The following INSC variants were observed in gnomAD, a reference collection of about 807,000 sequenced individuals.
INSC encodes INSC spindle orientation adaptor protein, also known as protein inscuteable homolog.
A neutral mutation model predicts 58.6 loss-of-function variants in INSC; 67 were observed. That is an observed-to-expected ratio of 1.14 (90% confidence interval 0.94 to 1.40). The LOEUF (loss-of-function observed/expected upper bound fraction) is 1.40. Among genes scored for constraint, INSC ranks in the 40% most tolerant of loss-of-function variants. The pLI is 0.00. For synonymous variants in INSC, 262 were observed against 276.1 expected (o/e 0.95, Z 0.51); for missense variants, 714 against 692.0 (o/e 1.03, Z -0.36).
At chr11:15,258,277 C>G in the INSC span, among the ~76,000 whole-genome samples, 1 of 152,172 alleles carries the variant, frequency 6.6e-6, no homozygotes, top group South Asian at 2.1e-4. Flanking sequence ...CCCTGCCTCT[C>G]TTTCGTTATA....
chr11:15,250,277 T>C (rs767478528), downstream of INSC, among the ~76,000 whole-genome samples: 15 of 152,214 alleles, frequency 9.9e-5, no homozygotes, highest in Non-Finnish European at 1.8e-4. Flanking sequence ...TGTACCTCTA[T>C]GAGCTTCTGT....
intron 1 of INSC, among the ~76,000 whole-genome samples, chr11:15,121,065 A>AT (rs1460943251): frequency 7.8e-5 from 1 of 12,846 alleles, no homozygotes; most frequent in Non-Finnish European, 7.1e-3. Flanking sequence ...ATATGAATAC[A>AT]TTGAAAATGT....
intron 6 of INSC, among the ~76,000 whole-genome samples, chr11:15,196,201 TAAC>T (rs1850363171): frequency 1.3e-5 from 2 of 152,318 alleles, no homozygotes; most frequent in Admixed American, 6.5e-5. Context: ...CACTGAATAT[TAAC>T]AACAACGATA....
chr11:15,136,052 A>G (rs529391949), intron 1 of INSC, among the ~76,000 whole-genome samples: 2 of 152,314 alleles, frequency 1.3e-5, no homozygotes, highest in Non-Finnish European at 2.9e-5. Flanking sequence ...CTCTGCTCTC[A>G]TAACTTACAG....
intron 10 of INSC, among the ~76,000 whole-genome samples, chr11:15,238,554 T>C (rs10766219): frequency 0.69 from 104,565 of 151,900 alleles, 36,415 homozygotes; most frequent in East Asian, 0.85. Context: ...CTTCACTTCT[T>C]TCTGGGCTTC....
chr11:15,267,495 A>T, the INSC span, among the ~76,000 whole-genome samples: 1 of 151,328 alleles, frequency 6.6e-6, no homozygotes, highest in African/African-American at 2.4e-5. Context: ...GTTCACTAAA[A>T]CTTTCTACTG....
chr11:15,133,793 C>T (rs1848178088), intron 1 of INSC, among the ~76,000 whole-genome samples: 1 of 152,200 alleles, frequency 6.6e-6, no homozygotes, highest in Admixed American at 6.5e-5. Context: ...TTGGCCTCTC[C>T]AGATTTCTTA....
downstream of INSC, among the ~76,000 whole-genome samples, chr11:15,252,165 T>C (rs1407931737): frequency 6.6e-6 from 1 of 152,180 alleles, no homozygotes; most frequent in Non-Finnish European, 1.5e-5. Context: ...ATACGAGATG[T>C]ACAGAATAGC....
intron 10 of INSC, among the ~76,000 whole-genome samples, chr11:15,237,634 C>T (rs1374339273): frequency 2.0e-5 from 3 of 152,124 alleles, no homozygotes; most frequent in Non-Finnish European, 4.4e-5. Context: ...CCTCTAAGGT[C>T]TGGACAGGGC....
intron 2 of INSC, among the ~76,000 whole-genome samples, chr11:15,159,458 C>A (rs1848938266): frequency 6.6e-6 from 1 of 152,120 alleles, no homozygotes; most frequent in Non-Finnish European, 1.5e-5. Context: ...ATAGAAAAAA[C>A]AAAGCTAAAC....
At chr11:15,230,111 G>T in intron 9 of INSC, among the ~76,000 whole-genome samples, 1 of 137,442 alleles carries the variant, frequency 7.3e-6, no homozygotes, top group African/African-American at 2.8e-5. Context: ...GATGGCTTGA[G>T]CCCGGGAAAT....
At chr11:15,179,367 A>T (rs1849682490) in intron 5 of INSC, among the ~76,000 whole-genome samples, 1 of 152,228 alleles carries the variant, frequency 6.6e-6, no homozygotes. Context: ...ATATTGTGTT[A>T]CATATTTGCC....
downstream of INSC, among the ~76,000 whole-genome samples, chr11:15,252,185 A>G (rs1852656927): frequency 1.3e-5 from 2 of 152,210 alleles, no homozygotes; most frequent in South Asian, 4.1e-4. Context: ...CCAAGCCTTC[A>G]TGAATAGGCA....
intron 1 of INSC, among the ~76,000 whole-genome samples, chr11:15,148,218 T>A (rs11023453): frequency 6.6e-6 from 1 of 152,052 alleles, no homozygotes; most frequent in African/African-American, 2.4e-5. Context: ...CTGTGTAGAA[T>A]AAAAACCCTC....
intron 5 of INSC, among the ~76,000 whole-genome samples, chr11:15,183,847 C>T (rs1288715456): frequency 1.3e-5 from 2 of 152,052 alleles, no homozygotes; most frequent in Admixed American, 1.3e-4. Flanking sequence ...AAATGTGGTG[C>T]ATATTATTTA....
chr11:15,167,983 G>A (rs1821182306), intron 2 of INSC, among the ~76,000 whole-genome samples: 1 of 152,088 alleles, frequency 6.6e-6, no homozygotes, highest in Admixed American at 6.5e-5. Flanking sequence ...GCAGGGTCAG[G>A]GGCTCACAGT....
chr11:15,209,037 G>A (rs1850920481), intron 7 of INSC, among the ~76,000 whole-genome samples: 1 of 151,898 alleles, frequency 6.6e-6, no homozygotes, highest in Non-Finnish European at 1.5e-5. Flanking sequence ...ATTCCAACAT[G>A]TATCTAACTT....
At chr11:15,180,964 G>A (rs1002036143) in intron 5 of INSC, among the ~76,000 whole-genome samples, 1 of 152,196 alleles carries the variant, frequency 6.6e-6, no homozygotes, top group Admixed American at 6.5e-5. Flanking sequence ...GTTCAGTGTT[G>A]TAAGCATGTG....
At chr11:15,167,788 C>CTCATTCTTAAAGTAAACCAGATTCTGCT (rs1849253956) in intron 2 of INSC, among the ~76,000 whole-genome samples, 1 of 152,156 alleles carries the variant, frequency 6.6e-6, no homozygotes, top group Non-Finnish European at 1.5e-5. Flanking sequence ...CTGGCTTAAG[C>CTCATTCTTAAAGTAAACCAGATTCTGCT]TCATTCTTAA....
Sources: gnomAD v4.1 joint callset for allele counts (sites outside exome capture counted in the v4.1 genomes callset) on GRCh38, gnomAD v4.1.1 for gene constraint, MANE v1.5 for transcripts, NCBI Gene and HGNC (gene_info 2026-07-23, HGNC 2026-07-21) for gene names.